LRRC43: variants seen among roughly 807,000 people sequenced by gnomAD.
LRRC43 encodes leucine-rich repeat-containing protein 43.
LRRC43 carries 62 observed loss-of-function variants against 64.3 expected under a neutral mutation model. The observed-to-expected ratio is 0.96, with a 90% CI of 0.79 to 1.19. The LOEUF is 1.19. Among genes scored for constraint, LRRC43 ranks in the 50% most tolerant of loss-of-function variants. The pLI is 0.00. For synonymous variants in LRRC43, 422 were observed against 382.3 expected (o/e 1.10, Z -1.21); for missense variants, 868 against 845.0 (o/e 1.03, Z -0.34).
intron 3 of LRRC43, among the ~76,000 whole-genome samples, chr12:122,186,685 G>A (rs58747552): frequency 0.021 from 3,146 of 152,284 alleles, 99 homozygotes; most frequent in African/African-American, 0.07. Flanking sequence ...TTGGGAGGCC[G>A]AGGCAGGTGG....
chr12:122,201,080 T>A, intron 10 of LRRC43, 146 bp downstream of exon 10: 1 of 1,131,696 alleles, frequency 8.8e-7, no homozygotes, highest in Non-Finnish European at 1.3e-6. Context: ...GCAGCTGGGC[T>A]GCTGGTGCTG....
At chr12:122,170,154 C>T (rs1953472682) in intron 1 of LRRC43, among the ~76,000 whole-genome samples, 1 of 152,024 alleles carries the variant, frequency 6.6e-6, no homozygotes, top group South Asian at 2.1e-4. Flanking sequence ...TTACTTTATT[C>T]TTTGAAAGGA....
At chr12:122,186,377 T>C (rs764782648) in intron 3 of LRRC43, 77 bp downstream of exon 3, 34 of 917,358 alleles carry the variant, frequency 3.7e-5, no homozygotes, top group Non-Finnish European at 5.7e-5. Context: ...CCCCACATAG[T>C]GTGGCCAGCA....
chr12:122,184,877 G>C lies in LRRC43; in HGVS notation c.411+98G>C. On this transcript the variant is annotated intron_variant, in intron 2 of 11. Transcript: ENST00000339777. The surrounding 1 kb of genome is among the most constrained non-coding windows in gnomAD (Gnocchi z 4.0). The stretch of plus-strand genomic sequence containing the variant: ...TTCCCCACAGCGCGTCAGGGATCCT[G>C]CTTTCAGGGCTGAAACGAAGGCCAG... 7.4e-7 allele frequency: 1 copy of C among 1,355,628 alleles called. No individual in the cohort carries two copies. Among genetic ancestry groups the C allele is most frequent in the Non-Finnish European group, 1.0e-6 (1 of 990,644 alleles). 84.0% of individuals were successfully genotyped at this position (1,355,628 alleles called of 1,614,324 possible).
Position 122,187,443 on chromosome 12 carries a change from C to G in LRRC43, c.523-258C>G, listed in dbSNP as rs200354949. ...AGAAGGTGCCAGATGTTATGCAGCT[C>G]CCCCACTGCCAATCCAGCATCACCC... On this transcript the variant is annotated intron_variant, in intron 3 of 11. Transcript: ENST00000339777. The G allele has an allele frequency of 2.5e-3, 1,030 of 418,072 alleles. 38 individuals are homozygous for G. The East Asian group carries it at 0.043, about 18-fold the overall frequency. The allele number at this position is 418,072 out of a possible 1,614,324, so 25.9% of individuals were successfully genotyped here.
At position 122,173,736 on chromosome 12, in the gene LRRC43, G is replaced by A. The variant is rs774665162; in HGVS notation, c.-406+5954G>A. ...TGTCTAGTTTCCCCCATCCCTTCCT[G>A]GCATAGCTACAGCCCTGGTTTCAGG... On this transcript the variant is annotated intron_variant, in intron 1 of 5. Coordinates refer to the LRRC43 transcript ENST00000537729. 18 of 944,542 alleles carry A rather than the reference G, an allele frequency of 1.9e-5. No individual in the cohort carries two copies. The East Asian group carries it at 1.9e-4, about 10-fold the overall frequency. 58.5% of individuals were successfully genotyped at this position (944,542 alleles called of 1,614,324 possible). A position where few individuals can be genotyped will look rare whatever the true frequency, so the allele number is the denominator to read the frequency against.
chr12:122,190,433 C>A, intron 5 of LRRC43, 65 bp downstream of exon 5: 1 of 1,343,120 alleles, frequency 7.4e-7, no homozygotes, highest in Non-Finnish European at 1.1e-6. Context: ...TGGCTGTGCC[C>A]CGCCCTCCTG....
intron 1 of LRRC43, among the ~76,000 whole-genome samples, chr12:122,171,185 G>A (rs183344981): frequency 6.6e-6 from 1 of 152,162 alleles, no homozygotes; most frequent in East Asian, 1.9e-4. Flanking sequence ...GACAGCCTGT[G>A]AGGCCCAACC....
At position 122,200,935 on chromosome 12, in the gene LRRC43, G is replaced by T. The variant is rs958194667; in HGVS notation, c.1809+1G>T. 7 of 1,591,240 alleles carry T rather than the reference G, an allele frequency of 4.4e-6. No homozygotes were observed. The highest frequency in any genetic ancestry group is 3.4e-4 in the Middle Eastern group (2 of 5,938). ...ATCTGACAGGCTGACGTTGGCCAGG[G>T]TACAGCCGGGCCCTAGCCACATCCT... On this transcript the variant is annotated splice_donor_variant, in intron 10 of 11. Coordinates refer to ENST00000339777, the MANE Select transcript of LRRC43 (RefSeq NM_001098519.2). LOFTEE classifies it high-confidence loss of function. This position sits in a 1 kb window ranked among gnomAD's most constrained non-coding sequence, Gnocchi z 4.6.
chr12:122,172,602 G>A lies in LRRC43; in HGVS notation c.-406+4820G>A, dbSNP rs755723007. ...GTGCTCTATGATCTCATCAATAACA[G>A]ATTTGTTGTCTAGCTGTCTGATTGT... is the stretch of plus-strand genomic sequence containing the variant. On this transcript the variant is annotated intron_variant, in intron 1 of 5. Transcript: ENST00000537729. The A allele has an allele frequency of 3.7e-6, 6 of 1,614,188 alleles. No homozygotes were observed. The East Asian group carries it at 1.3e-4, about 36-fold the overall frequency.
intron 4 of LRRC43, chr12:122,189,396 C>T (rs1469767513): frequency 6.6e-6 from 3 of 456,376 alleles, no homozygotes; most frequent in Non-Finnish European, 1.3e-5. Flanking sequence ...TCCTCCCCTT[C>T]TCTTCTGCTC....
Position 122,190,227 on chromosome 12 carries a change from G to C in LRRC43, c.760G>C (p.Val254Leu). 1 of 1,614,146 alleles carries C rather than the reference G, an allele frequency of 6.2e-7. No homozygotes were observed. The highest frequency in any genetic ancestry group is 8.5e-7 in the Non-Finnish European group (1 of 1,180,044). The change falls in exon 5 of 12, where the codon GTG becomes CTG. Residue 254 changes from valine to leucine, a missense_variant. Val to Leu is a conservative substitution (Grantham distance 32). Coordinates refer to ENST00000339777, the MANE Select transcript of LRRC43 (RefSeq NM_001098519.2). Reference sequence around the variant, plus strand: ...GACCCTCCGGCACCTGCGACTCCTGGTGCTGCAGGGAAACCCACTGGCCTT... The same window carrying C: ...GACCCTCCGGCACCTGCGACTCCTGCTGCTGCAGGGAAACCCACTGGCCTT... ...LRTLRHLRLL[V>L]LQGNPLALVP...
Position 122,192,916 on chromosome 12 carries a change from T to G in LRRC43, c.1261T>G (p.Ser421Ala), listed in dbSNP as rs1381104999. 1 of 1,613,982 alleles carries G rather than the reference T, an allele frequency of 6.2e-7. No individual in the cohort carries two copies. The highest frequency in any genetic ancestry group is 1.3e-5 in the African/African-American group (1 of 74,906). Residue 421 changes from serine (S) to alanine (A), a missense_variant, in exon 7 of 12, where the codon TCG becomes GCG. Coordinates refer to ENST00000339777, the MANE Select transcript of LRRC43 (RefSeq NM_001098519.2). Reference protein sequence around the residue: ...ESELSVISGPSTILQMPRASA... With the variant: ...ESELSVISGPATILQMPRASA... ...GGAGCTGTCTGTCATCTCGGGGCCT[T>G]CGACCATCTTGCAGATGCCGAGGGC... is the stretch of plus-strand genomic sequence containing the variant.
upstream of LRRC43, among the ~76,000 whole-genome samples, chr12:122,181,318 C>T (rs948694980): frequency 6.6e-6 from 1 of 151,540 alleles, no homozygotes; most frequent in Non-Finnish European, 1.5e-5. Flanking sequence ...CTGAGGTGGG[C>T]GGATGACGAG....
In LRRC43 at chr12:122,200,383, G is replaced by T. The variant is rs961411849; in HGVS notation, c.1491+53G>T. 1.2e-6 allele frequency: 2 copies of T among 1,608,340 alleles called. No homozygotes were observed. The highest frequency in any genetic ancestry group is 8.5e-7 in the Non-Finnish European group (1 of 1,178,420). On this transcript the variant is annotated intron_variant, in intron 8 of 11. Coordinates refer to ENST00000339777, the MANE Select transcript of LRRC43 (RefSeq NM_001098519.2). The surrounding 1 kb of genome is among the most constrained non-coding windows in gnomAD (Gnocchi z 4.6). ...ATCCACAGGCTGCACTTCTGTCCTT[G>T]TTCCTGTTCCCATCGGGCTGTCCCC...
intron 4 of LRRC43, chr12:122,189,320 C>T (rs1953685609): frequency 2.3e-6 from 1 of 429,238 alleles, no homozygotes; most frequent in African/African-American, 2.0e-5. Context: ...GTCCAACCCT[C>T]TACATGCCTG....
At chr12:122,194,388 G>A (rs1953754148) in intron 7 of LRRC43, among the ~76,000 whole-genome samples, 1 of 151,684 alleles carries the variant, frequency 6.6e-6, no homozygotes, top group African/African-American at 2.4e-5. Context: ...CCAACATGGT[G>A]AAACACCATC....
chr12:122,178,379 C>A (rs1002174180), upstream of LRRC43, among the ~76,000 whole-genome samples: 1 of 152,096 alleles, frequency 6.6e-6, no homozygotes, highest in South Asian at 2.1e-4. Context: ...ACGGTGTCCA[C>A]CCGTGATCTG....
rs570114613 is a variant in LRRC43, at chr12:122,196,854, C to T, written c.1350-3335C>T. Among the ~76,000 whole-genome samples the T allele has an allele frequency of 5.3e-5, 8 of 152,098 alleles. No homozygotes were observed. The South Asian group carries it at 1.5e-3, about 28-fold the overall frequency. ...ACATATGTTAATGTCACAAGTGGTA[C>T]GTCAGAGGAAGTACAGGACAAATCT... On this transcript the variant is annotated intron_variant, in intron 7 of 11. Coordinates refer to ENST00000339777, the MANE Select transcript of LRRC43 (RefSeq NM_001098519.2).
Sources: gnomAD v4.1 joint callset for allele counts (sites outside exome capture counted in the v4.1 genomes callset) on GRCh38, gnomAD v4.1.1 for gene constraint, Gnocchi (gnomAD v3.1) non-coding constraint, MANE v1.5 for transcripts, NCBI Gene and HGNC (gene_info 2026-07-23, HGNC 2026-07-21) for gene names.